The following GABRA3 variants were observed in gnomAD, a reference collection of about 807,000 sequenced individuals.
The protein encoded by GABRA3 is gamma-aminobutyric acid type A receptor subunit alpha3.
GABRA3 carries 10 observed loss-of-function variants against 30.1 expected under a neutral mutation model. That is an observed-to-expected ratio of 0.33 (90% CI 0.20 to 0.56). GABRA3 has a LOEUF of 0.56. GABRA3 is among the 20% of genes least tolerant of loss of function. GABRA3 has a pLI of 0.89. For missense variants in GABRA3, 233 were observed against 392.0 expected, an observed-to-expected ratio of 0.59 and a Z score of 3.42; for synonymous variants, 151 against 146.8, an observed-to-expected ratio of 1.03 and a Z score of -0.21.
chrX:152,330,919 C>T (rs902253284), intron 3 of GABRA3, among the ~76,000 whole-genome samples: 19 of 111,390 alleles, frequency 1.7e-4, no homozygotes, highest in African/African-American at 6.2e-4. Context: ...TGTAGTCTTG[C>T]ATTAAAAACC....
chrX:152,342,381 T>C (rs920835848), intron 3 of GABRA3, among the ~76,000 whole-genome samples: 3 of 112,332 alleles, frequency 2.7e-5, no homozygotes, highest in Admixed American at 9.4e-5. Flanking sequence ...GTATATTTTC[T>C]GCCCCCTTCA....
At chrX:152,307,321 C>A (rs1488447142) in intron 3 of GABRA3, among the ~76,000 whole-genome samples, 1 of 111,876 alleles carries the variant, frequency 8.9e-6, no homozygotes, top group African/African-American at 3.3e-5. Flanking sequence ...ATCACCAGTA[C>A]TATCATATCC....
At chrX:152,288,783 T>A (rs5969885) in intron 3 of GABRA3, among the ~76,000 whole-genome samples, 23,558 of 111,377 alleles carry the variant, frequency 0.21, 2,271 homozygotes, top group African/African-American at 0.38. Flanking sequence ...AATATGAAAT[T>A]TTAATTAGTA....
intron 2 of GABRA3, among the ~76,000 whole-genome samples, chrX:152,354,393 A>C (rs1603246860): frequency 8.9e-6 from 1 of 111,901 alleles, no homozygotes; most frequent in East Asian, 2.8e-4. Flanking sequence ...CTTGGTATAT[A>C]GGACTCTATG....
intron 9 of GABRA3, among the ~76,000 whole-genome samples, chrX:152,182,469 CACTATATATAGTATACAT>C (rs1937168266): frequency 1.2e-5 from 1 of 85,792 alleles, no homozygotes; most frequent in East Asian, 3.7e-4. Flanking sequence ...TATATATGTA[CACTATATATAGTATACAT>C]ACTATATATA....
intron 6 of GABRA3, among the ~76,000 whole-genome samples, chrX:152,218,059 A>T (rs1211331522): frequency 1.9e-5 from 2 of 107,434 alleles, no homozygotes; most frequent in African/African-American, 6.7e-5. Context: ...AATTCAGGTT[A>T]TTGATTTTAG....
Position 152,259,455 on chromosome X carries a change from G to A in GABRA3, c.331-3457C>T, listed in dbSNP as rs150834206. On this transcript the variant is annotated intron_variant, in intron 4 of 9. Transcript: ENST00000370314. ...CTCCTAACCCAAAGCTGCACAGCTC[G>A]CAGCTCCAAAAGAGATCGCTTCCTT... Among the ~76,000 whole-genome samples the A allele has an allele frequency of 2.3e-4, 26 of 111,449 alleles. No individual in the cohort carries two copies. In the East Asian group the frequency reaches 6.6e-3, roughly 28 times the overall value.
intron 7 of GABRA3, among the ~76,000 whole-genome samples, chrX:152,198,752 A>C (rs1937422757): frequency 9.0e-6 from 1 of 111,420 alleles, no homozygotes; most frequent in South Asian, 3.8e-4. Context: ...TTTCTGTCTC[A>C]CTCAGACGCT....
At chrX:152,436,042 T>A (rs1162642129) in intron 1 of GABRA3, among the ~76,000 whole-genome samples, 2 of 111,466 alleles carry the variant, frequency 1.8e-5, no homozygotes, top group Admixed American at 1.9e-4. Flanking sequence ...TAAAACGTTA[T>A]ACCATCTTAA....
chrX:152,230,664 A>G (rs765420777), intron 5 of GABRA3, among the ~76,000 whole-genome samples: 1 of 111,401 alleles, frequency 9.0e-6, no homozygotes, highest in Non-Finnish European at 1.9e-5. Flanking sequence ...TTTGATATTT[A>G]TAGTCAATTG....
intron 5 of GABRA3, among the ~76,000 whole-genome samples, chrX:152,233,910 A>G (rs915494755): frequency 9.3e-6 from 1 of 107,385 alleles, no homozygotes; most frequent in East Asian, 3.0e-4. Flanking sequence ...CATGGATGAA[A>G]TTGGAAATCA....
intron 1 of GABRA3, among the ~76,000 whole-genome samples, chrX:152,381,470 T>C (rs769991551): frequency 2.9e-4 from 33 of 111,965 alleles, no homozygotes; most frequent in Non-Finnish European, 5.1e-4. Context: ...TCTTATCAGA[T>C]GCATGGTTTG....
At chrX:152,417,158 T>C (rs1403662797) in intron 1 of GABRA3, among the ~76,000 whole-genome samples, 2 of 107,803 alleles carry the variant, frequency 1.9e-5, no homozygotes, top group Non-Finnish European at 3.8e-5. Flanking sequence ...GAATCTACAA[T>C]GAACTCAAAC....
intron 1 of GABRA3, among the ~76,000 whole-genome samples, chrX:152,392,986 A>C (rs1450941632): frequency 1.8e-5 from 2 of 111,639 alleles, no homozygotes; most frequent in African/African-American, 6.5e-5. Flanking sequence ...TACTCAGATG[A>C]CCATTGCATG....
chrX:152,254,102 G>T (rs1194881438), intron 5 of GABRA3, among the ~76,000 whole-genome samples: 1 of 111,512 alleles, frequency 9.0e-6, no homozygotes, highest in Admixed American at 9.5e-5. Context: ...TCTCATTAAT[G>T]TTTGCATTTC....
At chrX:152,431,233 G>A (rs938761402) in intron 1 of GABRA3, among the ~76,000 whole-genome samples, 1 of 112,039 alleles carries the variant, frequency 8.9e-6, no homozygotes, top group African/African-American at 3.2e-5. Flanking sequence ...TAAGGATAGT[G>A]ATGGAGATTC....
At chrX:152,278,166 TGTTACA>T (rs1290816149) in intron 4 of GABRA3, among the ~76,000 whole-genome samples, 43 of 111,466 alleles carry the variant, frequency 3.9e-4, no homozygotes, top group African/African-American at 1.3e-3. Flanking sequence ...TGTGCAGGTT[TGTTACA>T]TATGTATACA....
chrX:152,443,258 T>C (rs1171937367), intron 1 of GABRA3, among the ~76,000 whole-genome samples: 1 of 111,808 alleles, frequency 8.9e-6, no homozygotes, highest in Non-Finnish European at 1.9e-5. Flanking sequence ...TTCAATCTCA[T>C]TATAATAAAA....
chrX:152,421,277 T>A (rs1228548991), intron 1 of GABRA3, among the ~76,000 whole-genome samples: 1 of 111,259 alleles, frequency 9.0e-6, no homozygotes, highest in Non-Finnish European at 1.9e-5. Context: ...CTCGTTTATA[T>A]CAATTAGCTT....
Sources: gnomAD v4.1 joint callset for allele counts (sites outside exome capture counted in the v4.1 genomes callset) on GRCh38, gnomAD v4.1.1 for gene constraint, MANE v1.5 for transcripts, NCBI Gene and HGNC (gene_info 2026-07-23, HGNC 2026-07-21) for gene names.